HS2ST1: variants seen among roughly 807,000 people sequenced by gnomAD.
HS2ST1 encodes the protein heparan sulfate 2-O-sulfotransferase 1.
HS2ST1 carries 18 observed loss-of-function variants against 42.9 expected under a neutral mutation model. That is an observed-to-expected ratio of 0.42 (90% CI 0.29 to 0.62). The LOEUF is 0.62. HS2ST1 is among the 20% of genes least tolerant of loss of function. The pLI is 0.21. For synonymous variants in HS2ST1, 146 were observed against 152.9 expected (o/e 0.95, Z 0.33); for missense variants, 334 against 433.8 (o/e 0.77, Z 2.04).
At chr1:87,017,143 CCTTT>C (rs1200210219) in intron 1 of HS2ST1, among the ~76,000 whole-genome samples, 2 of 151,956 alleles carry the variant, frequency 1.3e-5, no homozygotes, top group South Asian at 2.1e-4. Flanking sequence ...CTCTCTCTCT[CCTTT>C]CTTTTTTGCG....
intron 1 of HS2ST1, among the ~76,000 whole-genome samples, chr1:87,014,616 T>C (rs1649696580): frequency 6.6e-6 from 1 of 152,050 alleles, no homozygotes; most frequent in African/African-American, 2.4e-5. Context: ...CCCTGACAAA[T>C]AGAGCTGGAG....
chr1:87,096,200 A>G (rs1652063712), intron 4 of HS2ST1, among the ~76,000 whole-genome samples: 1 of 152,230 alleles, frequency 6.6e-6, no homozygotes, highest in African/African-American at 2.4e-5. Context: ...GACAAGTGGT[A>G]GTTTCAAAAG....
At chr1:87,065,127 C>T (rs1651215583) in intron 1 of HS2ST1, among the ~76,000 whole-genome samples, 1 of 152,182 alleles carries the variant, frequency 6.6e-6, no homozygotes, top group Admixed American at 6.5e-5. Flanking sequence ...GTTAAATAGC[C>T]TCACAACAGC....
chr1:86,943,184 A>G (rs180685591), intron 1 of HS2ST1, among the ~76,000 whole-genome samples: 7 of 152,322 alleles, frequency 4.6e-5, no homozygotes, highest in Admixed American at 6.5e-5. Context: ...TAAGAGTAAG[A>G]TATTTAGAAC....
In HS2ST1 at chr1:86,985,419, TACACATATATAC is replaced by T. The variant is rs1490803698; in HGVS notation, c.124+70275_124+70286del. On this transcript the variant is annotated intron_variant, in intron 1 of 6. Coordinates refer to ENST00000370550, the MANE Select transcript of HS2ST1 (RefSeq NM_012262.4). ...ACACACATATATATACACATATATA[TACACATATATAC>T]ACACATATATACACATATATACACA... 1.1e-4 allele frequency among the ~76,000 whole-genome samples: 6 copies of T among 54,694 alleles called. 2 individuals are homozygous for T. The highest frequency in any genetic ancestry group is 2.1e-4 in the Non-Finnish European group (5 of 23,988). The allele number at this position is 54,694 out of a possible 152,430, so 35.9% of individuals were successfully genotyped here.
chr1:87,048,521 T>G (rs1313628126), intron 1 of HS2ST1, among the ~76,000 whole-genome samples: 2 of 152,168 alleles, frequency 1.3e-5, no homozygotes, highest in African/African-American at 4.8e-5. Flanking sequence ...TGATACCAGC[T>G]GAACATTTTT....
At position 86,995,207 on chromosome 1, in the gene HS2ST1, C is replaced by G. The variant is rs1649062674; in HGVS notation, c.125-77727C>G. 3.3e-5 allele frequency among the ~76,000 whole-genome samples: 5 copies of G among 152,018 alleles called. No individual in the cohort carries two copies. The South Asian group carries it at 1.0e-3, about 32-fold the overall frequency. Reference sequence around the variant, plus strand: ...ATCTACACTTGATTTTATAATTGACCTATTTGTTTTCAAAAGTATGCACAT... The same window carrying G: ...ATCTACACTTGATTTTATAATTGACGTATTTGTTTTCAAAAGTATGCACAT... On this transcript the variant is annotated intron_variant, in intron 1 of 6. Transcript: ENST00000370550.
At chr1:87,045,322 T>A in intron 1 of HS2ST1, 1 of 1,221,760 alleles carries the variant, frequency 8.2e-7, no homozygotes, top group Non-Finnish European at 1.2e-6. Context: ...AATTTCTCAT[T>A]CCAAATTCTG....
chr1:87,103,092 T>C (rs1228917213), intron 5 of HS2ST1, among the ~76,000 whole-genome samples: 1 of 152,220 alleles, frequency 6.6e-6, no homozygotes. Context: ...TAACAGAATT[T>C]AGAGTAGTTT....
chr1:86,975,175 G>T (rs886244033), intron 1 of HS2ST1, among the ~76,000 whole-genome samples: 2 of 151,822 alleles, frequency 1.3e-5, no homozygotes, highest in African/African-American at 2.4e-5. Flanking sequence ...CTTTGGTAGA[G>T]AAAAAAGTTT....
chr1:87,092,748 G>T, intron 4 of HS2ST1, 79 bp downstream of exon 4: 2 of 911,516 alleles, frequency 2.2e-6, no homozygotes, highest in Non-Finnish European at 1.5e-6. Context: ...AAAATTTGTT[G>T]TTAATTATAA....
intron 1 of HS2ST1, among the ~76,000 whole-genome samples, chr1:86,968,416 T>C (rs1164338912): frequency 1.6e-5 from 2 of 127,382 alleles, no homozygotes; most frequent in African/African-American, 5.6e-5. Flanking sequence ...TTTGGATTAC[T>C]TATTTCTCCA....
intron 1 of HS2ST1, chr1:87,064,653 T>C (rs1651201681): frequency 7.5e-6 from 3 of 398,002 alleles, no homozygotes; most frequent in Non-Finnish European, 1.5e-5. Flanking sequence ...TCAGGGAGAC[T>C]GATTCAAGCT....
intron 1 of HS2ST1, among the ~76,000 whole-genome samples, chr1:86,915,581 T>C (rs955045571): frequency 6.6e-6 from 1 of 152,150 alleles, no homozygotes; most frequent in African/African-American, 2.4e-5. Flanking sequence ...ATTTGAGCTA[T>C]GGGCATCTGG....
chr1:86,995,516 CTT>C, intron 1 of HS2ST1, among the ~76,000 whole-genome samples: 1 of 152,188 alleles, frequency 6.6e-6, no homozygotes, highest in African/African-American at 2.4e-5. Context: ...GATGTCGACA[CTT>C]GGGATTGAGC....
intron 1 of HS2ST1, among the ~76,000 whole-genome samples, chr1:87,005,157 T>C (rs1373326136): frequency 6.6e-6 from 1 of 152,204 alleles, no homozygotes; most frequent in Non-Finnish European, 1.5e-5. Context: ...GCTATGAATC[T>C]CAAATTGAGA....
chr1:86,951,072 T>G (rs950137433), intron 1 of HS2ST1, among the ~76,000 whole-genome samples: 3 of 152,218 alleles, frequency 2.0e-5, no homozygotes, highest in African/African-American at 7.2e-5. Flanking sequence ...CTTAGTAGTT[T>G]GTAAGTTTCA....
chr1:87,023,479 G>A (rs201456870), intron 1 of HS2ST1, among the ~76,000 whole-genome samples: 1 of 121,856 alleles, frequency 8.2e-6, no homozygotes, highest in Non-Finnish European at 1.8e-5. Flanking sequence ...AAAAAAAAAA[G>A]TAGGGTTTAG....
chr1:86,946,251 T>C (rs1275333105), intron 1 of HS2ST1, among the ~76,000 whole-genome samples: 1 of 152,246 alleles, frequency 6.6e-6, no homozygotes, highest in East Asian at 1.9e-4. Flanking sequence ...CAACATTTAC[T>C]GCAACTGGTA....
Sources: allele counts gnomAD v4.1 joint callset (sites outside exome capture counted in the v4.1 genomes callset), GRCh38; gene constraint gnomAD v4.1.1; transcripts MANE v1.5; gene names NCBI Gene and HGNC (gene_info 2026-07-23, HGNC 2026-07-21).